FAM171A1: variants seen among roughly 807,000 people sequenced by gnomAD.
FAM171A1 encodes the protein protein FAM171A1.
A neutral mutation model predicts 74.9 loss-of-function variants in FAM171A1; 23 were observed. The observed-to-expected ratio is 0.31, with a 90% CI of 0.22 to 0.44. The LOEUF (loss-of-function observed/expected upper bound fraction) is 0.44. Among genes scored for constraint, FAM171A1 ranks in the 20% least tolerant of loss-of-function variants. The pLI, the probability that FAM171A1 is intolerant of heterozygous loss-of-function variation, is 1.00. For missense variants in FAM171A1, 1,162 were observed against 1,159.2 expected (o/e 1.00, Z -0.03); for synonymous variants, 527 against 505.7 (o/e 1.04, Z -0.57).
At chr10:15,352,784 C>T (rs1036414147) in intron 1 of FAM171A1, among the ~76,000 whole-genome samples, 2 of 152,210 alleles carry the variant, frequency 1.3e-5, no homozygotes, top group East Asian at 1.9e-4. Flanking sequence ...TTGAATGGTT[C>T]GCTCTGCCAA....
intron 1 of FAM171A1, among the ~76,000 whole-genome samples, chr10:15,335,490 C>T (rs1305215370): frequency 1.3e-5 from 2 of 152,010 alleles, no homozygotes; most frequent in African/African-American, 2.4e-5. Flanking sequence ...AACCACAATC[C>T]GAAACTGCCT....
At chr10:15,330,817 G>A (rs1835620614) in intron 1 of FAM171A1, among the ~76,000 whole-genome samples, 2 of 139,224 alleles carry the variant, frequency 1.4e-5, no homozygotes, top group East Asian at 2.2e-4. Flanking sequence ...TCCCAGGTTT[G>A]AGCAATTCTC....
At chr10:15,237,287 C>T (rs10906871) in intron 5 of FAM171A1, among the ~76,000 whole-genome samples, 22,368 of 151,960 alleles carry the variant, frequency 0.15, 1,734 homozygotes, top group Middle Eastern at 0.18. Flanking sequence ...GACCTAAGTC[C>T]CTAAGAATGG....
intron 1 of FAM171A1, among the ~76,000 whole-genome samples, chr10:15,325,276 A>C (rs1209596585): frequency 6.6e-6 from 1 of 152,198 alleles, no homozygotes; most frequent in African/African-American, 2.4e-5. Context: ...TGGGCAGAAC[A>C]CTTGAGCCCA....
intron 1 of FAM171A1, among the ~76,000 whole-genome samples, chr10:15,356,219 C>CAT (rs923046484): frequency 9.6e-4 from 143 of 149,116 alleles, no homozygotes; most frequent in African/African-American, 2.8e-3. Flanking sequence ...TACATACATA[C>CAT]ATATATATAT....
intron 1 of FAM171A1, among the ~76,000 whole-genome samples, chr10:15,289,127 C>G (rs1323572809): frequency 3.9e-5 from 6 of 152,020 alleles, no homozygotes; most frequent in South Asian, 4.2e-4. Flanking sequence ...CGGCCTGATT[C>G]GGTAATTCTT....
intron 5 of FAM171A1, among the ~76,000 whole-genome samples, chr10:15,231,441 G>A (rs1186942100): frequency 1.3e-5 from 2 of 151,996 alleles, no homozygotes; most frequent in African/African-American, 4.8e-5. Flanking sequence ...GAGTTCTAGT[G>A]ATCTTCTCCC....
Position 15,362,004 on chromosome 10 carries a change from G to T in FAM171A1, c.97+8952C>A, listed in dbSNP as rs184741601. On this transcript the variant is annotated intron_variant, in intron 1 of 7. Transcript: ENST00000378116. ...GGTAAACTCAATTTTCACTTCCAAG[G>T]TATCTTTTCCTAAGCTAACTGCTAC... 2.0e-3 allele frequency among the ~76,000 whole-genome samples: 306 copies of T among 152,268 alleles called. 1 individual carries two copies. The highest frequency in any genetic ancestry group is 6.8e-3 in the African/African-American group (283 of 41,550).
At position 15,317,504 on chromosome 10, in the gene FAM171A1, C is replaced by A. The variant is rs560623897; in HGVS notation, c.98-33399G>T. Among the ~76,000 whole-genome samples the A allele has an allele frequency of 1.8e-4, 28 of 152,304 alleles. No homozygotes were observed. In the East Asian group the frequency reaches 5.0e-3, roughly 27 times the overall value. On this transcript the variant is annotated intron_variant, in intron 1 of 7. Coordinates refer to ENST00000378116, the MANE Select transcript of FAM171A1 (RefSeq NM_001010924.2). ...CCACTTCCCAGGTTCAAGCGACTCT[C>A]CTGCCTCAGCCTCCCTACTAGCTGG...
At chr10:15,295,750 C>T (rs916703532) in intron 1 of FAM171A1, among the ~76,000 whole-genome samples, 23 of 152,208 alleles carry the variant, frequency 1.5e-4, no homozygotes, top group Admixed American at 3.9e-4. Context: ...TCCCACCAAG[C>T]AGGCCATGCA....
At chr10:15,332,717 T>C (rs943411710) in intron 1 of FAM171A1, among the ~76,000 whole-genome samples, 196 of 152,328 alleles carry the variant, frequency 1.3e-3, no homozygotes, top group African/African-American at 4.5e-3. Flanking sequence ...GCAACTGTTC[T>C]GTTCCATTAC....
chr10:15,348,134 T>C (rs10906893), intron 1 of FAM171A1, among the ~76,000 whole-genome samples: 69,516 of 150,692 alleles, frequency 0.46, 16,475 homozygotes, highest in East Asian at 0.79. Context: ...CCTGCCACCA[T>C]TCCCGGCTAA....
intron 3 of FAM171A1, 32 bp from the exon 4 acceptor site, chr10:15,254,911 C>G (rs756139893): frequency 6.3e-6 from 10 of 1,593,970 alleles, no homozygotes; most frequent in Non-Finnish European, 7.7e-6. Context: ...TTATCTCCCC[C>G]AGGAGCAGTT....
intron 7 of FAM171A1, 136 bp downstream of exon 7, chr10:15,215,860 T>A (rs1308442878): frequency 3.4e-6 from 2 of 589,712 alleles, no homozygotes; most frequent in African/African-American, 3.8e-5. Flanking sequence ...GAGTTCTTAC[T>A]TTTTCATGGG....
intron 1 of FAM171A1, among the ~76,000 whole-genome samples, chr10:15,337,723 C>T (rs1324296671): frequency 2.0e-5 from 3 of 152,148 alleles, no homozygotes; most frequent in African/African-American, 4.8e-5. Context: ...CAGAGGCGAG[C>T]GGATCACTTG....
At position 15,343,177 on chromosome 10, in the gene FAM171A1, C is replaced by T. The variant is rs192377884; in HGVS notation, c.97+27779G>A. Among the ~76,000 whole-genome samples, 427 of 152,326 alleles carry T rather than the reference C, an allele frequency of 2.8e-3. 1 individual carries two copies. The highest frequency in any genetic ancestry group is 9.7e-3 in the African/African-American group (402 of 41,580). ...AAAATGCTCCCCAGAGCCTGGACAA[C>T]ACAGCAAGACCCCATCACTTAAAAA... On this transcript the variant is annotated intron_variant, in intron 1 of 7. Transcript: ENST00000378116.
Position 15,213,521 on chromosome 10 carries a change from A to G in FAM171A1, c.2067T>C (p.Thr689=). 1 of 1,614,090 alleles carries G rather than the reference A, an allele frequency of 6.2e-7. No homozygotes were observed. The highest frequency in any genetic ancestry group is 8.5e-7 in the Non-Finnish European group (1 of 1,180,006). The change falls in exon 8 of 8, where the codon ACT becomes ACC. Residue 689 remains threonine (T), a synonymous_variant. Coordinates refer to ENST00000378116, the MANE Select transcript of FAM171A1 (RefSeq NM_001010924.2). The surrounding 1 kb of genome is among the most constrained non-coding windows in gnomAD (Gnocchi z 6.8). ...AQMNSEVQLL[T]EKALMELGGG... ...CCCCAAGCTCCATCAGGGCCTTTTC[A>G]GTCAGGAGCTGCACCTCACTGTTCA...
intron 1 of FAM171A1, among the ~76,000 whole-genome samples, chr10:15,362,960 G>A (rs1180665953): frequency 6.6e-6 from 1 of 152,146 alleles, no homozygotes; most frequent in Non-Finnish European, 1.5e-5. Flanking sequence ...AAAATATAAT[G>A]CCCCTCCCCG....
At chr10:15,362,030 T>C (rs898480492) in intron 1 of FAM171A1, among the ~76,000 whole-genome samples, 3 of 152,262 alleles carry the variant, frequency 2.0e-5, no homozygotes, top group African/African-American at 7.2e-5. Context: ...TAACTGCTAC[T>C]TCCCAAAATT....
Sources: gnomAD v4.1 joint callset for allele counts (sites outside exome capture counted in the v4.1 genomes callset) on GRCh38, gnomAD v4.1.1 for gene constraint, Gnocchi (gnomAD v3.1) non-coding constraint, MANE v1.5 for transcripts, NCBI Gene and HGNC (gene_info 2026-07-23, HGNC 2026-07-21) for gene names.